RAB3GAP2: variants seen among roughly 807,000 people sequenced by gnomAD.
RAB3GAP2 encodes the protein rab3 GTPase-activating protein non-catalytic subunit.
RAB3GAP2 carries 87 observed loss-of-function variants against 185.3 expected under a neutral mutation model. That is an observed-to-expected ratio of 0.47 (90% confidence interval 0.39 to 0.56). The LOEUF (loss-of-function observed/expected upper bound fraction) is 0.56, where lower values mean the gene tolerates loss of function less well. Among genes scored for constraint, RAB3GAP2 ranks in the 20% least tolerant of loss-of-function variants. The pLI is 0.00. For missense variants in RAB3GAP2, 1,492 were observed against 1,638.2 expected (o/e 0.91, Z 1.54); for synonymous variants, 554 against 576.1 (o/e 0.96, Z 0.55).
At position 220,195,513 on chromosome 1, in the gene RAB3GAP2, C is replaced by G. The variant is rs796915372; in HGVS notation, c.961-136G>C. On this transcript the variant is annotated intron_variant, in intron 10 of 34. Coordinates refer to ENST00000358951, the MANE Select transcript of RAB3GAP2 (RefSeq NM_012414.4). The stretch of plus-strand genomic sequence containing the variant: ...TAGCAACTCAGCTTCTTTCAGAGTA[C>G]AGTAAAAAGTTTATTTTAGGCGTAA... 66 of 784,878 alleles carry G rather than the reference C, an allele frequency of 8.4e-5. No homozygotes were observed. In the African/African-American group the frequency reaches 1.1e-3, roughly 13 times the overall value. The allele number at this position is 784,878 out of a possible 1,614,324, so 48.6% of individuals were successfully genotyped here.
rs376640355 is a variant in RAB3GAP2, at chr1:220,235,549, A to G, written c.116-2686T>C. ...CTCTTCAGGAAGGCTGTAATCATTC[A>G]TGCATTCAACAAACACATCTTTTAT... On this transcript the variant is annotated intron_variant, in intron 1 of 34. Coordinates refer to ENST00000358951, the MANE Select transcript of RAB3GAP2 (RefSeq NM_012414.4). Among the ~76,000 whole-genome samples the G allele has an allele frequency of 4.6e-5, 7 of 152,362 alleles. No individual in the cohort carries two copies. In the East Asian group the frequency reaches 1.3e-3, roughly 29 times the overall value.
intron 9 of RAB3GAP2, among the ~76,000 whole-genome samples, chr1:220,198,063 T>C (rs1345009228): frequency 1.3e-5 from 2 of 152,160 alleles, no homozygotes; most frequent in Non-Finnish European, 2.9e-5. Context: ...CCACTATTTA[T>C]CAAGTACCTC....
chr1:220,171,687 G>GA (rs773182789), intron 23 of RAB3GAP2, among the ~76,000 whole-genome samples: 1 of 151,890 alleles, frequency 6.6e-6, no homozygotes, highest in South Asian at 2.1e-4. Context: ...CAAGAGATGA[G>GA]AAAAAAACAC....
intron 21 of RAB3GAP2, among the ~76,000 whole-genome samples, chr1:220,174,212 A>G (rs182272213): frequency 7.5e-4 from 114 of 152,214 alleles, no homozygotes; most frequent in Admixed American, 1.2e-3. Flanking sequence ...TGTACATATA[A>G]ATTTATATAT....
At chr1:220,211,150 T>C (rs1659078655) in intron 4 of RAB3GAP2, 148 bp from the exon 5 acceptor site, 2 of 759,294 alleles carry the variant, frequency 2.6e-6, no homozygotes, top group Non-Finnish European at 4.5e-6. Context: ...ACAGTAAAAC[T>C]CCACCACTGG....
At chr1:220,249,379 T>C (rs1451647465) in intron 1 of RAB3GAP2, among the ~76,000 whole-genome samples, 1 of 152,182 alleles carries the variant, frequency 6.6e-6, no homozygotes, top group Non-Finnish European at 1.5e-5. Context: ...TTGTTATACT[T>C]TAGCAAAAAG....
rs893956135 is a variant in RAB3GAP2, at chr1:220,162,233, T to C, written c.3190A>G (p.Lys1064Glu). The C allele has an allele frequency of 8.8e-6, 14 of 1,595,690 alleles. No homozygotes were observed. The highest frequency in any genetic ancestry group is 1.2e-5 in the Non-Finnish European group (14 of 1,163,470). The change falls in exon 28 of 35, where the codon AAA (lysine) becomes GAA (glutamate). Residue 1064 changes from lysine to glutamate, a missense_variant. Transcript: ENST00000358951. ...AAGTATGTAGCAGCAGAAAATCTTTTAACTAAGAACGTATTCCACATCATC... is the reference window on the plus strand; with the variant it reads ...AAGTATGTAGCAGCAGAAAATCTTTCAACTAAGAACGTATTCCACATCATC... ...ALMMWNTFLV[K>E]RFSAATYLMD...
rs375443204 is a variant in RAB3GAP2 at position 220,191,148 on chromosome 1, C to T, written c.1407G>A (p.Ala469=). The change falls in exon 14 of 35, where the codon GCG becomes GCA. Residue 469 remains alanine (A), a synonymous_variant. Coordinates refer to ENST00000358951, the MANE Select transcript of RAB3GAP2 (RefSeq NM_012414.4). ...SRVAQFLVIY[A]PRRGILEVWS... ...ACACTTCTAAAATTCCCCTTCTTGG[C>T]GCATAGATCACAAGGAATTGAGCTA... 1.6e-5 allele frequency: 26 copies of T among 1,613,908 alleles called. No homozygotes were observed. The highest frequency in any genetic ancestry group is 5.3e-5 in the African/African-American group (4 of 74,872).
In RAB3GAP2 at chr1:220,190,514, C is replaced by T; in HGVS notation, c.1494G>A (p.Leu498=). The part of the protein sequence containing the change: ...AFNVGKHCRL[L]YPGYKIMGLN... The stretch of plus-strand genomic sequence containing the variant: ...AACCCATTATTTTATAGCCAGGATA[C>T]AGCAGCCTAAAGAAATCACATACCA... Residue 498 remains leucine (L), a synonymous_variant, in exon 15 of 35, where the codon CTG becomes CTA. Transcript: ENST00000358951. The T allele has an allele frequency of 6.3e-7, 1 of 1,597,860 alleles. No homozygotes were observed. Among genetic ancestry groups the T allele is most frequent in the East Asian group, 2.2e-5 (1 of 44,788 alleles).
chr1:220,182,854 CTCT>C lies in RAB3GAP2; in HGVS notation c.2073_2075del (p.Glu692del). 6.2e-7 allele frequency: 1 copy of C among 1,613,532 alleles called. No individual in the cohort carries two copies. ...AAAATCGAACATTTGTCCTGGTGTT[CTCT>C]TGCTTATATTTCTCTAGTAATGCCT... On this transcript the variant is annotated inframe_deletion, in exon 20 of 35. Coordinates refer to ENST00000358951, the MANE Select transcript of RAB3GAP2 (RefSeq NM_012414.4).
At chr1:220,151,510 A>G in intron 34 of RAB3GAP2, 96 bp downstream of exon 34, 3 of 1,592,140 alleles carry the variant, frequency 1.9e-6, no homozygotes, top group Non-Finnish European at 8.6e-7. Context: ...AACTAGGTGA[A>G]TTAAACTTGT....
intron 9 of RAB3GAP2, among the ~76,000 whole-genome samples, chr1:220,201,052 ATTCTCATGTGTTTC>A (rs1267182948): frequency 6.6e-6 from 1 of 152,116 alleles, no homozygotes; most frequent in African/African-American, 2.4e-5. Context: ...TATTGTAGCC[ATTCTCATGTGTTTC>A]TTCTAACCAG....
chr1:220,266,682 G>A (rs868504208), intron 1 of RAB3GAP2: 1 of 1,549,514 alleles, frequency 6.5e-7, no homozygotes, highest in Admixed American at 1.7e-5. Context: ...CTGGCTCAAG[G>A]ATTTCTCCCC....
rs139204792 is a variant in RAB3GAP2 at position 220,204,003 on chromosome 1, C to T, written c.713-1629G>A. 1.5e-3 allele frequency among the ~76,000 whole-genome samples: 232 copies of T among 152,178 alleles called. 2 individuals carry two copies. The highest frequency in any genetic ancestry group is 5.5e-3 in the African/African-American group (228 of 41,524). ...TAATCAGTGAAAATATGAGTAGTGG[C>T]GCTGACTTCCCCTTTTCTTCTGGGA... On this transcript the variant is annotated intron_variant, in intron 8 of 34. Coordinates refer to ENST00000358951, the MANE Select transcript of RAB3GAP2 (RefSeq NM_012414.4).
At chr1:220,202,429 A>T in intron 8 of RAB3GAP2, 55 bp from the exon 9 acceptor site, 1 of 1,536,772 alleles carries the variant, frequency 6.5e-7, no homozygotes, top group Non-Finnish European at 9.0e-7. Context: ...ATGAAGTTTT[A>T]CAAAAAAACA....
At position 220,182,273 on chromosome 1, in the gene RAB3GAP2, C is replaced by T; in HGVS notation, c.2294G>A (p.Ser765Asn). The T allele has an allele frequency of 6.2e-7, 1 of 1,613,780 alleles. No homozygotes were observed. Among genetic ancestry groups the T allele is most frequent in the South Asian group, 1.1e-5 (1 of 91,076 alleles). ...MCHTLESAGL[S>N]PQLLLSLLLS... ...AAACCTTACCAACAACAGCTGAGGG[C>T]TAAGACCAGCCGACTCCAAAGTGTG... is the stretch of plus-strand genomic sequence containing the variant. Residue 765 changes from serine to asparagine, a missense_variant, in exon 21 of 35, where the codon AGC becomes AAC. Ser to Asn is a conservative substitution (Grantham distance 46, BLOSUM62 1). Around this residue, in one of 5 missense-constraint regions of RAB3GAP2, gnomAD observed 681 missense variants for 689.1 expected, o/e 0.99. Transcript: ENST00000358951.
chr1:220,228,169 G>A (rs1413014375), intron 2 of RAB3GAP2, among the ~76,000 whole-genome samples: 5 of 152,202 alleles, frequency 3.3e-5, no homozygotes, highest in African/African-American at 1.2e-4. Flanking sequence ...GACTCTCAGA[G>A]GAGGTAGGTT....
In RAB3GAP2 at chr1:220,193,259, A is replaced by T; in HGVS notation, c.1251T>A (p.Ile417=). Residue 417 remains isoleucine, a synonymous_variant, in exon 13 of 35, where the codon ATT becomes ATA. Coordinates refer to ENST00000358951, the MANE Select transcript of RAB3GAP2 (RefSeq NM_012414.4). ...RVILLDVARG[I]AIRMWKGYRD... is the part of the protein sequence containing the mutation. ...AAGTACCTTTCCACATGCGTATTGCAATTCCTCTAGCTACATCCAATAAAA... is the reference window on the plus strand; with the variant it reads ...AAGTACCTTTCCACATGCGTATTGCTATTCCTCTAGCTACATCCAATAAAA... 1 of 1,614,022 alleles carries T rather than the reference A, an allele frequency of 6.2e-7. No homozygotes were observed. Among genetic ancestry groups the T allele is most frequent in the Non-Finnish European group, 8.5e-7 (1 of 1,179,946 alleles).
rs748344342 is a variant in RAB3GAP2 at position 220,254,976 on chromosome 1, TTAAAG to T, written c.115+17242_115+17246del. Among the ~76,000 whole-genome samples, 14 of 151,388 alleles carry T rather than the reference TTAAAG, an allele frequency of 9.2e-5. No individual in the cohort carries two copies. In the East Asian group the frequency reaches 9.7e-4, roughly 10 times the overall value. On this transcript the variant is annotated intron_variant, in intron 1 of 34. Coordinates refer to ENST00000358951, the MANE Select transcript of RAB3GAP2 (RefSeq NM_012414.4). ...GCTTTTTTTTTTTTTTTTATGGTGC[TTAAAG>T]TAAAGAGCCCATCCTTTGCAAGGCA...
Sources: gnomAD v4.1 joint callset for allele counts (sites outside exome capture counted in the v4.1 genomes callset) on GRCh38, gnomAD v4.1.1 for gene constraint, gnomAD v4.1.1 regional missense constraint, MANE v1.5 for transcripts, NCBI Gene and HGNC (gene_info 2026-07-23, HGNC 2026-07-21) for gene names.